Variants in KHDRBS2 observed in about 807,000 individuals in gnomAD.
KHDRBS2 encodes KH domain-containing, RNA-binding, signal transduction-associated protein 2.
In KHDRBS2, 26 loss-of-function variants were observed where a neutral mutation model predicts 44.3. The observed-to-expected ratio is 0.59, with a 90% confidence interval of 0.43 to 0.81. KHDRBS2 has a LOEUF of 0.81. KHDRBS2 is among the 40% of genes least tolerant of loss of function. KHDRBS2 has a pLI of 0.00. For synonymous variants in KHDRBS2, 194 were observed against 151.1 expected (o/e 1.28, Z -2.08); for missense variants, 476 against 433.1 (o/e 1.10, Z -0.88).
intron 6 of KHDRBS2, among the ~76,000 whole-genome samples, chr6:61,822,011 A>C (rs1789991657): frequency 1.3e-5 from 2 of 151,954 alleles, no homozygotes; most frequent in Non-Finnish European, 1.5e-5. Flanking sequence ...TGTTTATTTG[A>C]GATTCTTCCA....
the KHDRBS2 span, among the ~76,000 whole-genome samples, chr6:61,604,607 A>G: frequency 2.6e-5 from 4 of 152,138 alleles, no homozygotes; most frequent in Non-Finnish European, 5.9e-5. Flanking sequence ...GTGGAAATCT[A>G]TCCTCAAGGA....
chr6:61,768,730 T>A (rs1419427825), intron 6 of KHDRBS2, among the ~76,000 whole-genome samples: 1 of 152,106 alleles, frequency 6.6e-6, no homozygotes, highest in Non-Finnish European at 1.5e-5. Context: ...AGGAGTAGTG[T>A]CAACTATTCA....
the KHDRBS2 span, among the ~76,000 whole-genome samples, chr6:61,621,939 G>A: frequency 6.6e-6 from 1 of 152,172 alleles, no homozygotes; most frequent in Non-Finnish European, 1.5e-5. Context: ...CTTCACCATA[G>A]AGATAGTAAG....
intron 3 of KHDRBS2, among the ~76,000 whole-genome samples, chr6:61,985,670 TGAGAC>T (rs1213478207): frequency 5.3e-5 from 8 of 152,074 alleles, no homozygotes; most frequent in Non-Finnish European, 8.8e-5. Flanking sequence ...AAATTTCAGG[TGAGAC>T]GATAATGTTC....
chr6:61,551,215 T>C, the KHDRBS2 span, among the ~76,000 whole-genome samples: 17 of 152,324 alleles, frequency 1.1e-4, no homozygotes, highest in East Asian at 1.9e-3. Flanking sequence ...ATGGGGTTGA[T>C]TGTTTTTTGC....
At chr6:62,099,531 C>T (rs1356221640) in intron 2 of KHDRBS2, among the ~76,000 whole-genome samples, 2 of 152,188 alleles carry the variant, frequency 1.3e-5, no homozygotes, top group Admixed American at 6.5e-5. Context: ...CTACCTGTTG[C>T]TAGGAAAGGT....
intron 3 of KHDRBS2, among the ~76,000 whole-genome samples, chr6:61,982,214 A>AATATAT (rs34900603): frequency 1.5e-4 from 23 of 149,754 alleles, no homozygotes; most frequent in African/African-American, 5.1e-4. Context: ...AGTCACTGCA[A>AATATAT]ATATATATAT....
intron 6 of KHDRBS2, among the ~76,000 whole-genome samples, chr6:61,815,985 G>A (rs779828351): frequency 2.5e-4 from 38 of 152,062 alleles, no homozygotes; most frequent in Non-Finnish European, 4.1e-4. Flanking sequence ...TAGCTTAACA[G>A]AGCACTCATA....
At chr6:61,584,199 T>C in the KHDRBS2 span, among the ~76,000 whole-genome samples, 2 of 151,836 alleles carry the variant, frequency 1.3e-5, no homozygotes, top group Admixed American at 1.3e-4. Flanking sequence ...TCTGCATGTC[T>C]GTTCCTATCT....
chr6:62,040,657 C>G (rs2127299274), intron 3 of KHDRBS2, among the ~76,000 whole-genome samples: 1 of 152,206 alleles, frequency 6.6e-6, no homozygotes, highest in South Asian at 2.1e-4. Flanking sequence ...CCCACTGGCA[C>G]CTATACATGG....
chr6:61,878,510 A>C (rs1799762435), intron 6 of KHDRBS2, among the ~76,000 whole-genome samples: 1 of 151,986 alleles, frequency 6.6e-6, no homozygotes, highest in African/African-American at 2.4e-5. Context: ...TTCCCCAGGG[A>C]TAGCAGAGCA....
chr6:61,592,364 A>G, the KHDRBS2 span, among the ~76,000 whole-genome samples: 2 of 152,158 alleles, frequency 1.3e-5, no homozygotes, highest in African/African-American at 4.8e-5. Flanking sequence ...AACCATGGCA[A>G]AACAGGTTAT....
At chr6:61,595,845 GATT>G in the KHDRBS2 span, among the ~76,000 whole-genome samples, 2 of 151,602 alleles carry the variant, frequency 1.3e-5, no homozygotes, top group African/African-American at 2.4e-5. Context: ...GACATTTTAT[GATT>G]ATTACTTAAT....
At position 62,238,993 on chromosome 6, in the gene KHDRBS2, A is replaced by G. The variant is rs529535331; in HGVS notation, c.91+46865T>C. Among the ~76,000 whole-genome samples the G allele has an allele frequency of 3.3e-5, 5 of 152,326 alleles. No individual in the cohort carries two copies. In the South Asian group the frequency reaches 1.0e-3, roughly 32 times the overall value. ...TGATATAACTAGATGGAACTGTTAA[A>G]AAGAATTCAATGTTATGAAAGACAA... On this transcript the variant is annotated intron_variant, in intron 1 of 8. Coordinates refer to ENST00000281156, the MANE Select transcript of KHDRBS2 (RefSeq NM_152688.4).
chr6:61,613,879 G>A, the KHDRBS2 span, among the ~76,000 whole-genome samples: 1 of 152,128 alleles, frequency 6.6e-6, no homozygotes, highest in Admixed American at 6.6e-5. Context: ...TTTTACTCAA[G>A]TAGTTTACCA....
At chr6:61,935,264 A>G (rs1255014877) in intron 4 of KHDRBS2, among the ~76,000 whole-genome samples, 1 of 152,190 alleles carries the variant, frequency 6.6e-6, no homozygotes, top group Non-Finnish European at 1.5e-5. Context: ...TGAATTTTGA[A>G]TGAAAGATGT....
chr6:61,833,210 C>T (rs1469017583), intron 6 of KHDRBS2, among the ~76,000 whole-genome samples: 16 of 152,062 alleles, frequency 1.1e-4, no homozygotes, highest in Non-Finnish European at 1.9e-4. Context: ...GTTTGTGGAG[C>T]TATTATTGGC....
At chr6:61,979,569 C>T (rs917425284) in intron 3 of KHDRBS2, among the ~76,000 whole-genome samples, 1 of 152,038 alleles carries the variant, frequency 6.6e-6, no homozygotes, top group Non-Finnish European at 1.5e-5. Context: ...GGCATCCCTG[C>T]GTTCCTGTAT....
chr6:62,119,377 T>C (rs1455773685), intron 2 of KHDRBS2, among the ~76,000 whole-genome samples: 1 of 152,164 alleles, frequency 6.6e-6, no homozygotes, highest in East Asian at 1.9e-4. Context: ...ATGGAAGAAC[T>C]CAGGGATTCT....
Sources: gnomAD v4.1 joint callset for allele counts (sites outside exome capture counted in the v4.1 genomes callset) on GRCh38, gnomAD v4.1.1 for gene constraint, MANE v1.5 for transcripts, NCBI Gene and HGNC (gene_info 2026-07-23, HGNC 2026-07-21) for gene names.